The following C13orf42 variants were observed in gnomAD, a reference collection of about 807,000 sequenced individuals.
C13orf42 encodes the protein uncharacterized protein C13orf42.
At chr13:51,140,657 C>CATA (rs1662360104) in intron 1 of C13orf42, among the ~76,000 whole-genome samples, 1 of 152,086 alleles carries the variant, frequency 6.6e-6, no homozygotes, top group Non-Finnish European at 1.5e-5. Context: ...TAAAACTCCT[C>CATA]ATTATTATTA....
At position 51,110,870 on chromosome 13, in the gene C13orf42, T is replaced by G. The variant is rs1021636092; in HGVS notation, c.340A>C (p.Ile114Leu). Residue 114 changes from isoleucine to leucine, a missense_variant, in exon 1 of 4, where the codon ATT (isoleucine) becomes CTT (leucine). Physicochemically the swap from Ile to Leu is conservative, Grantham distance 5. Coordinates refer to ENST00000563710, the MANE Select transcript of C13orf42 (RefSeq NM_001351589.3). ...GAGGATTTGGAGGAGGTTGAGGAAA[T>G]CCCCTGGGTGCGGTGGGGCTTCAGA... ...SDLKPHRTQG[I>L]SSTSSKSSKG... is the part of the protein sequence containing the mutation. The G allele has an allele frequency of 4.5e-5, 18 of 398,500 alleles. No individual in the cohort carries two copies. The highest frequency in any genetic ancestry group is 3.5e-4 in the African/African-American group (17 of 48,618). 24.7% of individuals were successfully genotyped at this position (398,500 alleles called of 1,614,324 possible).
At chr13:51,109,428 C>T (rs80161964) in intron 1 of C13orf42, among the ~76,000 whole-genome samples, 3,963 of 152,252 alleles carry the variant, frequency 0.026, 72 homozygotes, top group East Asian at 0.075. Context: ...TACAACAAAA[C>T]AGCCTTAACC....
At chr13:51,103,579 T>C (rs755863903) in intron 1 of C13orf42, among the ~76,000 whole-genome samples, 1 of 152,068 alleles carries the variant, frequency 6.6e-6, no homozygotes, top group Non-Finnish European at 1.5e-5. Flanking sequence ...TGAGCGCCTG[T>C]AGTCCCAGCT....
intron 1 of C13orf42, among the ~76,000 whole-genome samples, chr13:51,120,172 T>C (rs1953522597): frequency 6.6e-6 from 1 of 152,200 alleles, no homozygotes; most frequent in African/African-American, 2.4e-5. Flanking sequence ...TGGTTAATAT[T>C]TGCAAGCACT....
rs886459527 is a variant in C13orf42 at position 51,134,003 on chromosome 13, G to A, written n.137-20781C>T. ...CGCACACCTGCAGCATCCTGTGCAC[G>A]CTCACACCATGTTCCTTCCACCCAC... On this transcript the variant is annotated intron_variant and non_coding_transcript_variant, in intron 1 of 4. Transcript: ENST00000433280. Among the ~76,000 whole-genome samples, 4 of 152,266 alleles carry A rather than the reference G, an allele frequency of 2.6e-5. No individual in the cohort carries two copies. In the South Asian group the frequency reaches 8.3e-4, roughly 32 times the overall value.
At chr13:51,153,961 T>G (rs1953805771) in intron 1 of C13orf42, among the ~76,000 whole-genome samples, 1 of 152,058 alleles carries the variant, frequency 6.6e-6, no homozygotes, top group Non-Finnish European at 1.5e-5. Context: ...GTTTTCTTCT[T>G]GCAAAACTAA....
At chr13:51,096,883 G>A (rs1343868704) in intron 1 of C13orf42, among the ~76,000 whole-genome samples, 1 of 152,146 alleles carries the variant, frequency 6.6e-6, no homozygotes, top group Non-Finnish European at 1.5e-5. Flanking sequence ...AAACATTCAA[G>A]AGAGGGCTTG....
chr13:51,120,896 C>T (rs1289659212), intron 1 of C13orf42, among the ~76,000 whole-genome samples: 1 of 152,172 alleles, frequency 6.6e-6, no homozygotes, highest in Non-Finnish European at 1.5e-5. Flanking sequence ...TGCCTGTAAT[C>T]CCAGCTACTC....
intron 1 of C13orf42, among the ~76,000 whole-genome samples, chr13:51,123,276 A>G (rs554276504): frequency 6.6e-6 from 1 of 152,324 alleles, no homozygotes; most frequent in African/African-American, 2.4e-5. Context: ...TCTCAATCAT[A>G]TTGCATATCT....
intron 1 of C13orf42, among the ~76,000 whole-genome samples, chr13:51,136,888 C>A (rs895138021): frequency 1.3e-5 from 2 of 152,212 alleles, no homozygotes; most frequent in African/African-American, 4.8e-5. Flanking sequence ...TAGCTGTGAG[C>A]AAGGCTGTGG....
At position 51,103,462 on chromosome 13, in the gene C13orf42, G is replaced by A. The variant is rs552060499; in HGVS notation, c.414+7334C>T. 3.5e-4 allele frequency among the ~76,000 whole-genome samples: 54 copies of A among 152,274 alleles called. 1 individual carries two copies. The highest frequency in any genetic ancestry group is 1.3e-3 in the African/African-American group (53 of 41,544). On this transcript the variant is annotated intron_variant, in intron 1 of 3. Transcript: ENST00000563710. ...TCACACCTGTAATCCCAGCACTTTG[G>A]GAGGCCGAGGCGGGTGGATCATGAG...
intron 1 of C13orf42, among the ~76,000 whole-genome samples, chr13:51,149,583 G>C (rs1313899479): frequency 1.3e-5 from 2 of 152,118 alleles, no homozygotes; most frequent in Non-Finnish European, 2.9e-5. Context: ...TCACCATTCT[G>C]CTTGATCAAT....
At chr13:51,146,530 C>G (rs577101930) in intron 1 of C13orf42, among the ~76,000 whole-genome samples, 218 of 152,276 alleles carry the variant, frequency 1.4e-3, no homozygotes, top group African/African-American at 4.9e-3. Context: ...GTGGTCTGAG[C>G]ACAACTTGGT....
intron 3 of C13orf42, among the ~76,000 whole-genome samples, chr13:51,084,563 C>G (rs1452217703): frequency 1.3e-5 from 2 of 152,176 alleles, no homozygotes; most frequent in Non-Finnish European, 2.9e-5. Context: ...TTTAATATGT[C>G]CAGTGCATGG....
At chr13:51,110,542 A>G (rs1364248860) in intron 1 of C13orf42, among the ~76,000 whole-genome samples, 1 of 152,224 alleles carries the variant, frequency 6.6e-6, no homozygotes, top group Non-Finnish European at 1.5e-5. Flanking sequence ...CAGTTTACCT[A>G]TATAACAAAC....
chr13:51,096,140 A>G (rs112899157), intron 1 of C13orf42, among the ~76,000 whole-genome samples: 2 of 152,180 alleles, frequency 1.3e-5, no homozygotes, highest in Non-Finnish European at 1.5e-5. Flanking sequence ...AGTACAGGCT[A>G]ATTTTCCAGA....
At chr13:51,108,928 C>T (rs1003603128) in intron 1 of C13orf42, among the ~76,000 whole-genome samples, 1 of 152,220 alleles carries the variant, frequency 6.6e-6, no homozygotes, top group African/African-American at 2.4e-5. Flanking sequence ...TTCCCTCCAT[C>T]TTCAGATAGC....
At chr13:51,091,102 G>A (rs907697386) in intron 1 of C13orf42, among the ~76,000 whole-genome samples, 1 of 152,168 alleles carries the variant, frequency 6.6e-6, no homozygotes, top group Non-Finnish European at 1.5e-5. Context: ...TACCATCCCA[G>A]GATCACTCTG....
intron 1 of C13orf42, among the ~76,000 whole-genome samples, chr13:51,170,190 G>A (rs1391197950): frequency 6.6e-6 from 1 of 151,894 alleles, no homozygotes; most frequent in Admixed American, 6.6e-5. Context: ...CCTATAAAAC[G>A]GCCCCACCCT....
Sources: gnomAD v4.1 joint callset for allele counts (sites outside exome capture counted in the v4.1 genomes callset) on GRCh38, gnomAD v4.1.1 for gene constraint, MANE v1.5 for transcripts, NCBI Gene and HGNC (gene_info 2026-07-23, HGNC 2026-07-21) for gene names.